Variants in CDRT4 observed in about 807,000 individuals in gnomAD.
CDRT4 encodes the protein CMT1A duplicated region transcript 4 protein.
For missense variants in CDRT4, 167 were observed against 193.1 expected (o/e 0.87, Z 0.80); for synonymous variants, 64 against 69.6 (o/e 0.92, Z 0.40).
intron 2 of CDRT4, among the ~76,000 whole-genome samples, chr17:15,447,374 G>A (rs886361753): frequency 9.2e-5 from 14 of 152,104 alleles, no homozygotes; most frequent in African/African-American, 3.4e-4. Context: ...ATCTCAAAGG[G>A]CAAAGGAAAT....
chr17:15,462,710 A>G (rs1002374182), intron 1 of CDRT4, among the ~76,000 whole-genome samples: 3 of 152,216 alleles, frequency 2.0e-5, no homozygotes, highest in Middle Eastern at 3.2e-3. Context: ...ATTTACATAA[A>G]GTTCAAAAAC....
At chr17:15,438,244 G>C (rs765451404) in intron 3 of CDRT4, 44 bp from the exon 4 acceptor site, 2 of 1,570,958 alleles carry the variant, frequency 1.3e-6, no homozygotes, top group Non-Finnish European at 1.7e-6. Context: ...GCAGTCACAT[G>C]CAATAGCTTG....
intron 1 of CDRT4, among the ~76,000 whole-genome samples, chr17:15,461,298 G>A (rs913518547): frequency 2.0e-5 from 3 of 152,222 alleles, no homozygotes; most frequent in South Asian, 2.1e-4. Flanking sequence ...ATAGCAAGGC[G>A]AAGGCAGCAG....
intron 1 of CDRT4, among the ~76,000 whole-genome samples, chr17:15,462,836 G>A (rs75587366): frequency 0.025 from 3,744 of 152,296 alleles, 62 homozygotes; most frequent in East Asian, 0.036. Flanking sequence ...ATGGGAGAAG[G>A]AAGGAGGGAG....
intron 2 of CDRT4, among the ~76,000 whole-genome samples, chr17:15,440,842 T>C (rs1268975689): frequency 6.6e-6 from 1 of 152,090 alleles, no homozygotes; most frequent in African/African-American, 2.4e-5. Flanking sequence ...GAAACCATAG[T>C]GTAGTGGTTC....
intron 1 of CDRT4, among the ~76,000 whole-genome samples, chr17:15,467,252 C>T (rs901123395): frequency 6.6e-6 from 1 of 152,124 alleles, no homozygotes; most frequent in Admixed American, 6.5e-5. Context: ...GGCATCAGTA[C>T]GTTTTACAAA....
chr17:15,442,823 T>C (rs1978831801), intron 2 of CDRT4, among the ~76,000 whole-genome samples: 1 of 152,196 alleles, frequency 6.6e-6, no homozygotes, highest in Admixed American at 6.5e-5. Flanking sequence ...ACTTGTTTGT[T>C]TGAAAATAAC....
chr17:15,446,298 C>T (rs1412624833), intron 2 of CDRT4, among the ~76,000 whole-genome samples: 2 of 152,102 alleles, frequency 1.3e-5, no homozygotes, highest in Admixed American at 6.5e-5. Flanking sequence ...CACTTCTTTA[C>T]CCCGCCCCTA....
chr17:15,443,948 T>G, intron 2 of CDRT4: 5 of 675,174 alleles, frequency 7.4e-6, no homozygotes, highest in Non-Finnish European at 1.4e-5. Flanking sequence ...TCCAGGAGAA[T>G]GGGTCTCCTG....
In CDRT4 at chr17:15,437,697, GCTTAA is replaced by G; in HGVS notation, c.*71_*75del. 1 of 1,442,406 alleles carries G rather than the reference GCTTAA, an allele frequency of 6.9e-7. No individual in the cohort carries two copies. Among genetic ancestry groups the G allele is most frequent in the Non-Finnish European group, 9.6e-7 (1 of 1,045,198 alleles). The allele number at this position is 1,442,406 out of a possible 1,614,324, so 89.4% of individuals were successfully genotyped here. On this transcript the variant is annotated 3_prime_UTR_variant, in exon 4 of 4. Transcript: ENST00000619038. ...CACTGTCAAGTGAGTGGTAAATGGA[GCTTAA>G]CTTTTGTACGTTCTTGGGGAATGGC... is the stretch of plus-strand genomic sequence containing the variant.
chr17:15,459,931 C>G (rs1979673610), intron 1 of CDRT4, among the ~76,000 whole-genome samples: 2 of 152,096 alleles, frequency 1.3e-5, no homozygotes, highest in African/African-American at 4.8e-5. Flanking sequence ...CCTCATAGGC[C>G]TCTCTTCTCA....
chr17:15,443,717 G>A (rs1978883239), intron 2 of CDRT4: 2 of 466,010 alleles, frequency 4.3e-6, no homozygotes, highest in Admixed American at 2.6e-5. Context: ...CACAGTTATC[G>A]TGAAGGGCCC....
At chr17:15,452,180 T>G (rs1437260203) in intron 2 of CDRT4, among the ~76,000 whole-genome samples, 1 of 152,222 alleles carries the variant, frequency 6.6e-6, no homozygotes, top group Non-Finnish European at 1.5e-5. Flanking sequence ...GGGAAAGGCC[T>G]GGGTTCAAAT....
intron 1 of CDRT4, among the ~76,000 whole-genome samples, chr17:15,456,935 T>C (rs1979512985): frequency 6.6e-6 from 1 of 152,112 alleles, no homozygotes; most frequent in South Asian, 2.1e-4. Context: ...TTACCAACAT[T>C]TAATAAAGAG....
intron 1 of CDRT4, among the ~76,000 whole-genome samples, chr17:15,467,255 T>C (rs1414438051): frequency 1.3e-5 from 2 of 152,134 alleles, no homozygotes; most frequent in Non-Finnish European, 2.9e-5. Context: ...ATCAGTACGT[T>C]TTACAAAGTC....
intron 2 of CDRT4, chr17:15,443,574 C>A (rs1215060895): frequency 3.5e-6 from 1 of 284,462 alleles, no homozygotes; most frequent in African/African-American, 2.3e-5. Context: ...TGAATCATAA[C>A]ACCTAGCCCA....
chr17:15,459,926 T>C (rs147041262), intron 1 of CDRT4, among the ~76,000 whole-genome samples: 28 of 152,212 alleles, frequency 1.8e-4, no homozygotes, highest in Non-Finnish European at 3.7e-4. Context: ...CAGCACCTCA[T>C]AGGCCTCTCT....
intron 1 of CDRT4, among the ~76,000 whole-genome samples, chr17:15,453,711 C>T (rs924379665): frequency 2.6e-5 from 4 of 152,168 alleles, no homozygotes; most frequent in African/African-American, 9.7e-5. Context: ...AACAGTAAAA[C>T]TGCGTATTAA....
intron 1 of CDRT4, among the ~76,000 whole-genome samples, chr17:15,453,580 T>C (rs1407872435): frequency 6.6e-6 from 1 of 152,182 alleles, no homozygotes; most frequent in Admixed American, 6.5e-5. Flanking sequence ...ACCACCCTCG[T>C]GCAGCATTGC....
Sources: gnomAD v4.1 joint callset for allele counts (sites outside exome capture counted in the v4.1 genomes callset) on GRCh38, gnomAD v4.1.1 for gene constraint, MANE v1.5 for transcripts, NCBI Gene and HGNC (gene_info 2026-07-23, HGNC 2026-07-21) for gene names.